C11orf65: variants seen among roughly 807,000 people sequenced by gnomAD.
C11orf65 encodes chromosome 11 open reading frame 65.
Under a neutral mutation model 35.3 loss-of-function variants are expected in C11orf65, and 38 were observed. The ratio of observed to expected loss-of-function variants is 1.08; its 90% confidence interval spans 0.83 to 1.41. The LOEUF (loss-of-function observed/expected upper bound fraction) is 1.41. C11orf65 is among the 40% of genes most tolerant of loss of function. The pLI is 0.00. For missense variants in C11orf65, 370 were observed against 367.1 expected (o/e 1.01, Z -0.06); for synonymous variants, 105 against 114.4 (o/e 0.92, Z 0.53).
chr11:108,346,552 C>T, intron 2 of C11orf65: 1 of 151,784 alleles, frequency 6.6e-6, no homozygotes, highest in Non-Finnish European at 1.5e-5. Context: ...CATACTATAC[C>T]CCAGGAAGGC....
intron 2 of C11orf65, among the ~76,000 whole-genome samples, chr11:108,432,522 C>A (rs1002563748): frequency 6.6e-6 from 1 of 152,160 alleles, no homozygotes; most frequent in African/African-American, 2.4e-5. Flanking sequence ...GCTAAACAAT[C>A]CCTACCAATT....
chr11:108,435,762 T>C (rs1391303284), intron 2 of C11orf65, among the ~76,000 whole-genome samples: 1 of 152,228 alleles, frequency 6.6e-6, no homozygotes, highest in Non-Finnish European at 1.5e-5. Flanking sequence ...TTTCTTTTGT[T>C]TTCTCCTGCT....
chr11:108,341,582 A>G (rs2087586741), intron 2 of C11orf65, among the ~76,000 whole-genome samples: 1 of 152,318 alleles, frequency 6.6e-6, no homozygotes, highest in African/African-American at 2.4e-5. Flanking sequence ...AAACAGTTCA[A>G]CATATGTGAG....
At chr11:108,441,032 C>T (rs1300168632) in intron 2 of C11orf65, among the ~76,000 whole-genome samples, 1 of 152,144 alleles carries the variant, frequency 6.6e-6, no homozygotes. Context: ...CACTGCCTCA[C>T]CCAGGAAGTG....
rs1358319772 is a variant in C11orf65, at chr11:108,406,891, G to A, written c.301C>T (p.Pro101Ser). The change falls in exon 5 of 9, where the codon CCT becomes TCT. Residue 101 changes from proline (P) to serine (S), a missense_variant. Pro to Ser is a moderately conservative substitution (Grantham distance 74). Coordinates refer to ENST00000393084, the MANE Select transcript of C11orf65 (RefSeq NM_152587.5). ...RPIEDLCANS[P>S]RNYAKLPAKH... ...GCTGGAAGTTTTGCATAATTTCTAG[G>A]GCTGTTAGCACAGAGATCTTCAATA... 3 of 1,612,524 alleles carry A rather than the reference G, an allele frequency of 1.9e-6. No individual in the cohort carries two copies. The highest frequency in any genetic ancestry group is 2.5e-6 in the Non-Finnish European group (3 of 1,178,888).
intron 2 of C11orf65, among the ~76,000 whole-genome samples, chr11:108,375,593 C>T (rs1214707654): frequency 1.3e-5 from 2 of 152,008 alleles, no homozygotes; most frequent in Non-Finnish European, 2.9e-5. Context: ...AACAAAATAA[C>T]CAGCTAACAT....
downstream of C11orf65, among the ~76,000 whole-genome samples, chr11:108,329,562 C>T (rs1015890301): frequency 6.6e-6 from 1 of 152,030 alleles, no homozygotes; most frequent in Non-Finnish European, 1.5e-5. Flanking sequence ...TACAGGTGCA[C>T]GCCATACCTG....
At chr11:108,335,766 CT>C in intron 2 of C11orf65, 1 of 1,154,106 alleles carries the variant, frequency 8.7e-7, no homozygotes, top group Non-Finnish European at 1.3e-6. Flanking sequence ...TTTGAGTGCC[CT>C]TTGCTATTCT....
At chr11:108,335,365 G>T (rs2136676396) in intron 2 of C11orf65, 2 of 1,169,810 alleles carry the variant, frequency 1.7e-6, no homozygotes, top group East Asian at 6.3e-5. Flanking sequence ...CATGTACAGT[G>T]AGGTTGCTTC....
At chr11:108,382,488 T>C (rs1193314863), downstream of C11orf65, among the ~76,000 whole-genome samples, 1 of 151,576 alleles carries the variant, frequency 6.6e-6, no homozygotes, top group Non-Finnish European at 1.5e-5. Context: ...GAAATAACTA[T>C]GACATAAAAT....
chr11:108,395,791 T>C (rs1437628403), intron 6 of C11orf65, among the ~76,000 whole-genome samples: 1 of 151,322 alleles, frequency 6.6e-6, no homozygotes, highest in Non-Finnish European at 1.5e-5. Context: ...TGGCTAATTT[T>C]TTGTATTTTT....
chr11:108,350,306 C>A (rs893574305), intron 2 of C11orf65, among the ~76,000 whole-genome samples: 1 of 152,106 alleles, frequency 6.6e-6, no homozygotes, highest in African/African-American at 2.4e-5. Context: ...TGAGAGTAAT[C>A]AAACTTATTG....
chr11:108,330,061 G>C (rs1175030679), downstream of C11orf65, among the ~76,000 whole-genome samples: 5 of 152,232 alleles, frequency 3.3e-5, no homozygotes, highest in East Asian at 5.8e-4. Flanking sequence ...TAAGACAAAA[G>C]TAAGTTTATT....
At chr11:108,453,715 T>G (rs373110104) in intron 2 of C11orf65, among the ~76,000 whole-genome samples, 4 of 152,330 alleles carry the variant, frequency 2.6e-5, no homozygotes, top group African/African-American at 9.6e-5. Context: ...GTCATCGCAT[T>G]TATTGATTTG....
intron 2 of C11orf65, among the ~76,000 whole-genome samples, chr11:108,448,534 C>A (rs1201053663): frequency 6.6e-6 from 1 of 152,118 alleles, no homozygotes; most frequent in African/African-American, 2.4e-5. Flanking sequence ...AGACAAAAAA[C>A]ACATGATTAT....
At chr11:108,421,899 T>C (rs935545340) in intron 3 of C11orf65, among the ~76,000 whole-genome samples, 8 of 152,174 alleles carry the variant, frequency 5.3e-5, no homozygotes, top group African/African-American at 1.9e-4. Context: ...AGTTTTTAAT[T>C]AGATTCCAGA....
At chr11:108,344,428 T>C (rs994876489) in intron 2 of C11orf65, among the ~76,000 whole-genome samples, 2 of 151,950 alleles carry the variant, frequency 1.3e-5, no homozygotes, top group African/African-American at 2.4e-5. Flanking sequence ...AAAGATGAGA[T>C]TGGAGCAGTA....
In C11orf65 at chr11:108,315,852, A is replaced by G. The variant is rs1591776713; in HGVS notation, c.641-6781T>C. 1 of 1,613,122 alleles carries G rather than the reference A, an allele frequency of 6.2e-7. No homozygotes were observed. The highest frequency in any genetic ancestry group is 8.5e-7 in the Non-Finnish European group (1 of 1,179,126). Reference sequence around the variant, plus strand: ...TTCTCTTAGAAATCTACAGAAGTATAGGGGAGCCAGATAGTTTGTATGGCT... The same window carrying G: ...TTCTCTTAGAAATCTACAGAAGTATGGGGGAGCCAGATAGTTTGTATGGCT... On this transcript the variant is annotated intron_variant, in intron 6 of 6. Transcript: ENST00000525729.
chr11:108,367,303 T>C (rs1050709141), intron 2 of C11orf65: 1 of 182,230 alleles, frequency 5.5e-6, no homozygotes, highest in African/African-American at 2.4e-5. Flanking sequence ...CCCTCATTTT[T>C]GACCGTAAGG....
Sources: allele counts gnomAD v4.1 joint callset (sites outside exome capture counted in the v4.1 genomes callset), GRCh38; gene constraint gnomAD v4.1.1; transcripts MANE v1.5; gene names NCBI Gene and HGNC (gene_info 2026-07-23, HGNC 2026-07-21).